Variants in PACRG observed in about 807,000 individuals in gnomAD.
PACRG encodes the protein parkin coregulated gene protein.
Under a neutral mutation model 29.7 loss-of-function variants are expected in PACRG, and 29 were observed. The ratio of observed to expected loss-of-function variants is 0.98; its 90% CI spans 0.73 to 1.33. The LOEUF is 1.33. Ranked by LOEUF, PACRG falls within the 40% of genes most tolerant of loss-of-function variation. The pLI, the probability that PACRG is intolerant of heterozygous loss-of-function variation, is 0.00. For missense variants in PACRG, 279 were observed against 316.2 expected (o/e 0.88, Z 0.89); for synonymous variants, 116 against 118.7 (o/e 0.98, Z 0.15).
intron 3 of PACRG, among the ~76,000 whole-genome samples, chr6:163,076,379 C>G (rs919914677): frequency 1.3e-5 from 2 of 152,140 alleles, no homozygotes; most frequent in Non-Finnish European, 2.9e-5. Context: ...AAGATCCCCT[C>G]TTCCAATTTT....
At chr6:162,995,705 G>A (rs1337818988) in intron 2 of PACRG, among the ~76,000 whole-genome samples, 3 of 152,218 alleles carry the variant, frequency 2.0e-5, no homozygotes, top group Admixed American at 6.5e-5. Flanking sequence ...CGTCTTCTGC[G>A]TCGCTCACGC....
intron 2 of PACRG, among the ~76,000 whole-genome samples, chr6:162,864,556 T>C (rs544489044): frequency 8.5e-4 from 129 of 152,286 alleles, no homozygotes; most frequent in African/African-American, 2.7e-3. Flanking sequence ...TCAATCTTCA[T>C]GAGAAAATGG....
chr6:163,177,485 G>C (rs1472063140), intron 4 of PACRG, among the ~76,000 whole-genome samples: 1 of 152,032 alleles, frequency 6.6e-6, no homozygotes, highest in Non-Finnish European at 1.5e-5. Context: ...TGACAATGTG[G>C]AGAGCTACAC....
chr6:163,011,209 A>G (rs1368823933), intron 2 of PACRG, among the ~76,000 whole-genome samples: 1 of 152,148 alleles, frequency 6.6e-6, no homozygotes, highest in East Asian at 1.9e-4. Context: ...AATGACTGGG[A>G]TACCCTCTAA....
chr6:163,101,943 A>G (rs1304159930), intron 4 of PACRG, among the ~76,000 whole-genome samples: 1 of 152,226 alleles, frequency 6.6e-6, no homozygotes, highest in Non-Finnish European at 1.5e-5. Context: ...AAAAAAGTTG[A>G]GTGCTTACTA....
intron 2 of PACRG, among the ~76,000 whole-genome samples, chr6:162,873,433 A>G (rs1173098473): frequency 1.3e-5 from 2 of 152,308 alleles, no homozygotes; most frequent in South Asian, 4.1e-4. Flanking sequence ...CTGTCTTAGC[A>G]CTGAATCTAT....
chr6:162,902,588 C>T (rs573386759), intron 2 of PACRG, among the ~76,000 whole-genome samples: 23 of 152,168 alleles, frequency 1.5e-4, no homozygotes, highest in African/African-American at 4.6e-4. Flanking sequence ...CTTGCTATCC[C>T]GACAATATAT....
At chr6:163,151,736 G>C (rs1778101409) in intron 4 of PACRG, among the ~76,000 whole-genome samples, 1 of 152,150 alleles carries the variant, frequency 6.6e-6, no homozygotes, top group Non-Finnish European at 1.5e-5. Context: ...CCGCTAAAAA[G>C]TATCCTTTGA....
chr6:163,173,297 A>G (rs967229984), intron 4 of PACRG, among the ~76,000 whole-genome samples: 1 of 152,144 alleles, frequency 6.6e-6, no homozygotes, highest in African/African-American at 2.4e-5. Flanking sequence ...AAATTTCTTT[A>G]CAATATAAAC....
At chr6:162,947,994 G>T (rs1799369392) in intron 2 of PACRG, among the ~76,000 whole-genome samples, 1 of 151,880 alleles carries the variant, frequency 6.6e-6, no homozygotes, top group South Asian at 2.1e-4. Flanking sequence ...CAAATTGAAT[G>T]AAATCCCTAT....
intron 4 of PACRG, among the ~76,000 whole-genome samples, chr6:163,106,648 A>T (rs569052377): frequency 2.2e-4 from 33 of 152,238 alleles, no homozygotes; most frequent in South Asian, 1.4e-3. Context: ...ACTTATAGCT[A>T]GTTAATAGAG....
chr6:163,086,930 G>A (rs922121746), intron 3 of PACRG, among the ~76,000 whole-genome samples: 2 of 152,116 alleles, frequency 1.3e-5, no homozygotes, highest in Non-Finnish European at 2.9e-5. Context: ...CAACAAACTA[G>A]GGGCTGTGGT....
chr6:163,150,237 T>C (rs138579258), intron 4 of PACRG, among the ~76,000 whole-genome samples: 15 of 152,346 alleles, frequency 9.8e-5, no homozygotes, highest in African/African-American at 3.4e-4. Context: ...ATCTAGCTAA[T>C]ACGAGTGTTG....
chr6:163,080,214 G>A (rs899775489), intron 3 of PACRG, among the ~76,000 whole-genome samples: 1 of 152,060 alleles, frequency 6.6e-6, no homozygotes, highest in African/African-American at 2.4e-5. Context: ...ATTCTTAGAA[G>A]TAGTGGTGCA....
At chr6:163,114,917 T>G (rs915378124) in intron 4 of PACRG, among the ~76,000 whole-genome samples, 1 of 151,910 alleles carries the variant, frequency 6.6e-6, no homozygotes, top group Non-Finnish European at 1.5e-5. Context: ...AGCTTGATTA[T>G]GATAATCATT....
intron 2 of PACRG, among the ~76,000 whole-genome samples, chr6:162,909,511 C>T (rs1466286514): frequency 5.5e-5 from 8 of 144,792 alleles, no homozygotes; most frequent in African/African-American, 1.1e-4. Context: ...GCCAAGATCG[C>T]GCCACTGCAC....
At chr6:162,935,220 C>A (rs909896157) in intron 2 of PACRG, among the ~76,000 whole-genome samples, 2 of 152,016 alleles carry the variant, frequency 1.3e-5, no homozygotes, top group Non-Finnish European at 2.9e-5. Context: ...ATCTATATGT[C>A]TAAATATCTT....
chr6:162,748,696 G>A (rs964338496), intron 1 of PACRG, among the ~76,000 whole-genome samples: 10 of 152,118 alleles, frequency 6.6e-5, no homozygotes, highest in Admixed American at 6.6e-5. Context: ...ATCCCTGACC[G>A]CAGCCTACTC....
chr6:162,934,956 A>G (rs796167151), intron 2 of PACRG, among the ~76,000 whole-genome samples: 29 of 152,268 alleles, frequency 1.9e-4, no homozygotes, highest in African/African-American at 6.0e-4. Flanking sequence ...GCTGGGTATA[A>G]CATTCTTGGC....
Sources: allele counts gnomAD v4.1 joint callset (sites outside exome capture counted in the v4.1 genomes callset), GRCh38; gene constraint gnomAD v4.1.1; transcripts MANE v1.5; gene names NCBI Gene and HGNC (gene_info 2026-07-23, HGNC 2026-07-21).